LPP: variants seen among roughly 807,000 people sequenced by gnomAD.
LPP encodes the protein lipoma-preferred partner.
LPP carries 38 observed loss-of-function variants against 60.4 expected under a neutral mutation model. That is an observed-to-expected ratio of 0.63 (90% CI 0.49 to 0.83). The LOEUF (loss-of-function observed/expected upper bound fraction) is 0.83, where lower values mean the gene tolerates loss of function less well. LPP is among the 40% of genes least tolerant of loss of function. The pLI is 0.00. For synonymous variants in LPP, 328 were observed against 290.8 expected (o/e 1.13, Z -1.30); for missense variants, 902 against 783.6 (o/e 1.15, Z -1.80).
At chr3:188,682,354 C>G (rs1001117240) in intron 7 of LPP, among the ~76,000 whole-genome samples, 1 of 152,168 alleles carries the variant, frequency 6.6e-6, no homozygotes, top group Non-Finnish European at 1.5e-5. Flanking sequence ...GGAGGAAGAG[C>G]CTTTCTTTTC....
intron 1 of LPP, among the ~76,000 whole-genome samples, chr3:188,183,634 C>A (rs1230923242): frequency 6.6e-6 from 1 of 151,686 alleles, no homozygotes; most frequent in Non-Finnish European, 1.5e-5. Context: ...CGTGGCAAAG[C>A]GGAATAGAAC....
intron 9 of LPP, among the ~76,000 whole-genome samples, chr3:188,830,514 A>G (rs1577847069): frequency 6.6e-6 from 1 of 151,932 alleles, no homozygotes; most frequent in African/African-American, 2.4e-5. Context: ...CTGAGGCAGG[A>G]GAATCGCTTG....
intron 9 of LPP, among the ~76,000 whole-genome samples, chr3:188,798,200 G>A (rs1418376944): frequency 2.0e-5 from 3 of 152,072 alleles, no homozygotes; most frequent in Admixed American, 6.5e-5. Flanking sequence ...CCTATGAAAC[G>A]GGCAATCTGG....
chr3:188,609,459 T>C lies in LPP; in HGVS notation c.728T>C (p.Ile243Thr). 2 of 1,614,128 alleles carry C rather than the reference T, an allele frequency of 1.2e-6. No homozygotes were observed. The highest frequency in any genetic ancestry group is 1.7e-6 in the Non-Finnish European group (2 of 1,180,018). ...ATGGCTGCCCCTTCATCAGGACAAA[T>C]TTATGGCTCAGGGCCCCAGGGCTAT... ...HYMAAPSSGQ[I>T]YGSGPQGYNT... Residue 243 changes from isoleucine (I) to threonine (T), a missense_variant, in exon 7 of 12, where the codon ATT (isoleucine) becomes ACT (threonine). Physicochemically the swap from Ile to Thr is moderately conservative, Grantham distance 89. Coordinates refer to ENST00000617246, the MANE Select transcript of LPP (RefSeq NM_001375462.1). The surrounding 1 kb of genome is among the most constrained non-coding windows in gnomAD (Gnocchi z 6.9).
At chr3:188,239,439 A>G (rs1185648721) in intron 2 of LPP, among the ~76,000 whole-genome samples, 1 of 152,222 alleles carries the variant, frequency 6.6e-6, no homozygotes, top group Non-Finnish European at 1.5e-5. Flanking sequence ...ACACGGCTGA[A>G]AGGAATCCCA....
At chr3:188,241,689 T>G (rs1452250335) in intron 2 of LPP, among the ~76,000 whole-genome samples, 1 of 152,332 alleles carries the variant, frequency 6.6e-6, no homozygotes, top group Non-Finnish European at 1.5e-5. Context: ...CTTTCTCATC[T>G]ACATGGACAA....
intron 8 of LPP, among the ~76,000 whole-genome samples, chr3:188,720,165 C>T (rs1715744431): frequency 6.6e-6 from 1 of 152,214 alleles, no homozygotes; most frequent in Non-Finnish European, 1.5e-5. Flanking sequence ...CCAGCCTTGG[C>T]CTCCCAAAGT....
At chr3:188,371,629 ATATATATATATATTTTTTTTTT>A (rs1560310965) in intron 3 of LPP, among the ~76,000 whole-genome samples, 1 of 25,974 alleles carries the variant, frequency 3.9e-5, no homozygotes, top group Non-Finnish European at 9.8e-5. Context: ...ATATATATAT[ATATATATATATATTTTTTTTTT>A]TTTTTTTTTT....
intron 9 of LPP, among the ~76,000 whole-genome samples, chr3:188,863,874 C>A (rs1765887012): frequency 6.6e-6 from 1 of 150,768 alleles, no homozygotes. Context: ...TGAGCTGAAT[C>A]TTGCAGCCAA....
At chr3:188,273,503 AC>A (rs1417127369) in intron 2 of LPP, among the ~76,000 whole-genome samples, 12 of 143,528 alleles carry the variant, frequency 8.4e-5, no homozygotes, top group Admixed American at 6.3e-4. Flanking sequence ...TCTCAATCTT[AC>A]CCCCCTTTCA....
At position 188,862,712 on chromosome 3, in the gene LPP, C is replaced by CAAAAAAAAAAAAAAAAAAAAAAA. The variant is rs140751676; in HGVS notation, c.1411-3481_1411-3480insAAAAAAAAAAAAAAAAAAAAAAA. 9.7e-4 allele frequency among the ~76,000 whole-genome samples: 54 copies of CAAAAAAAAAAAAAAAAAAAAAAA among 55,586 alleles called. 3 individuals are homozygous for CAAAAAAAAAAAAAAAAAAAAAAA. Among genetic ancestry groups the CAAAAAAAAAAAAAAAAAAAAAAA allele is most frequent in the East Asian group, 1.4e-3 (1 of 692 alleles). 36.5% of individuals were successfully genotyped at this position (55,586 alleles called of 152,430 possible). Reference sequence around the variant, plus strand: ...TATCAATGCTGGCAACCCTACTAGACAAAAAAATAAATAAATAAATAAATA... The same window carrying CAAAAAAAAAAAAAAAAAAAAAAA: ...TATCAATGCTGGCAACCCTACTAGACAAAAAAAAAAAAAAAAAAAAAAAAAAAAAATAAATAAATAAATAAATA... On this transcript the variant is annotated intron_variant, in intron 9 of 11. Transcript: ENST00000617246.
intron 7 of LPP, among the ~76,000 whole-genome samples, chr3:188,687,435 C>G (rs1032872730): frequency 4.6e-5 from 7 of 152,120 alleles, no homozygotes; most frequent in Non-Finnish European, 8.8e-5. Context: ...GGCCCTTCCC[C>G]CATGCTGTTC....
chr3:188,638,885 A>G (rs1849429353), intron 7 of LPP, among the ~76,000 whole-genome samples: 1 of 152,082 alleles, frequency 6.6e-6, no homozygotes, highest in Admixed American at 6.6e-5. Context: ...CAAATGGAAG[A>G]ACATTCCATG....
chr3:188,570,246 T>C (rs1833226743), intron 6 of LPP, among the ~76,000 whole-genome samples: 2 of 152,008 alleles, frequency 1.3e-5, no homozygotes, highest in African/African-American at 4.8e-5. Flanking sequence ...GTCTTGCAGG[T>C]AAGGCACATA....
intron 9 of LPP, among the ~76,000 whole-genome samples, chr3:188,792,671 A>G (rs529579476): frequency 5.9e-5 from 9 of 152,290 alleles, no homozygotes; most frequent in Admixed American, 1.3e-4. Flanking sequence ...AAAAATAACA[A>G]AAACAAGTGA....
chr3:188,196,023 G>A (rs892046235), intron 1 of LPP, among the ~76,000 whole-genome samples: 4 of 152,130 alleles, frequency 2.6e-5, no homozygotes, highest in Admixed American at 1.3e-4. Flanking sequence ...GTTCTTGTCC[G>A]GGTCTAGAGG....
At chr3:188,160,264 G>C (rs1433828124) in intron 1 of LPP, among the ~76,000 whole-genome samples, 1 of 151,384 alleles carries the variant, frequency 6.6e-6, no homozygotes, top group Non-Finnish European at 1.5e-5. Flanking sequence ...GCCCGATCTC[G>C]GCTCACTGCA....
intron 3 of LPP, among the ~76,000 whole-genome samples, chr3:188,371,261 A>T (rs1004382285): frequency 5.1e-4 from 77 of 152,144 alleles, no homozygotes; most frequent in African/African-American, 1.8e-3. Context: ...GGGGTCATTA[A>T]TTCATTTATT....
At chr3:188,488,892 CT>C (rs1022722054) in intron 5 of LPP, among the ~76,000 whole-genome samples, 1 of 152,140 alleles carries the variant, frequency 6.6e-6, no homozygotes, top group African/African-American at 2.4e-5. Flanking sequence ...CCGCCTTGGC[CT>C]CCCAAAGTGC....
Sources: allele counts gnomAD v4.1 joint callset (sites outside exome capture counted in the v4.1 genomes callset), GRCh38; gene constraint gnomAD v4.1.1; non-coding constraint Gnocchi (gnomAD v3.1); transcripts MANE v1.5; gene names NCBI Gene and HGNC (gene_info 2026-07-23, HGNC 2026-07-21).